The following SRPK2 variants were observed in gnomAD, a reference collection of about 807,000 sequenced individuals.
The protein encoded by SRPK2 is SFRS protein kinase 2.
In SRPK2, 21 loss-of-function variants were observed where a neutral mutation model predicts 90.8. The ratio of observed to expected loss-of-function variants is 0.23; its 90% CI spans 0.16 to 0.33. The LOEUF (loss-of-function observed/expected upper bound fraction) is 0.33, where lower values mean the gene tolerates loss of function less well. Among genes scored for constraint, SRPK2 ranks in the 10% least tolerant of loss-of-function variants. SRPK2 has a pLI of 1.00. For synonymous variants in SRPK2, 288 were observed against 311.1 expected, an observed-to-expected ratio of 0.93 and a Z score of 0.78; for missense variants, 620 against 869.0, an observed-to-expected ratio of 0.71 and a Z score of 3.60.
intron 3 of SRPK2, among the ~76,000 whole-genome samples, chr7:105,199,903 A>C (rs1308283926): frequency 1.1e-4 from 16 of 151,806 alleles, no homozygotes; most frequent in African/African-American, 3.9e-4. Flanking sequence ...ATTTAAAAAA[A>C]AAAAAAAAAA....
rs138429910 is a variant in SRPK2, at chr7:105,365,302, T to C, written c.71+23346A>G. Among the ~76,000 whole-genome samples the C allele has an allele frequency of 1.7e-3, 260 of 151,688 alleles. 1 individual carries two copies. Among genetic ancestry groups the C allele is most frequent in the African/African-American group, 6.0e-3 (250 of 41,356 alleles). ...GAGCTGGAGACCAGCCCGGCCAATA[T>C]TGTGAAACCCGATCTCTACTAAAAA... On this transcript the variant is annotated intron_variant, in intron 2 of 15. Coordinates refer to ENST00000393651, the MANE Select transcript of SRPK2 (RefSeq NM_182692.3).
chr7:105,225,955 G>C (rs540839135), intron 2 of SRPK2, among the ~76,000 whole-genome samples: 34 of 152,256 alleles, frequency 2.2e-4, no homozygotes, highest in Non-Finnish European at 4.7e-4. Flanking sequence ...CCACATGCGG[G>C]GGTTAGCAGA....
In SRPK2 at chr7:105,366,625, T is replaced by C. The variant is rs1819097043; in HGVS notation, c.71+22023A>G. ...ACCTCGTGATCCGCCCGCCTCAGCCTCCCAAAGTGCTGGGATTACAGGCGT... is the reference window on the plus strand; with the variant it reads ...ACCTCGTGATCCGCCCGCCTCAGCCCCCCAAAGTGCTGGGATTACAGGCGT... On this transcript the variant is annotated intron_variant, in intron 2 of 15. Transcript: ENST00000393651. Among the ~76,000 whole-genome samples, 8 of 152,282 alleles carry C rather than the reference T, an allele frequency of 5.3e-5. No individual in the cohort carries two copies. The South Asian group carries it at 1.5e-3, about 28-fold the overall frequency.
intron 2 of SRPK2, among the ~76,000 whole-genome samples, chr7:105,350,434 G>T (rs547505360): frequency 1.3e-5 from 2 of 150,784 alleles, no homozygotes; most frequent in Non-Finnish European, 2.9e-5. Context: ...TGGCCGAACA[G>T]TGCCTATCTT....
At chr7:105,147,637 G>A (rs1191883194) in intron 7 of SRPK2, among the ~76,000 whole-genome samples, 1 of 152,130 alleles carries the variant, frequency 6.6e-6, no homozygotes, top group Non-Finnish European at 1.5e-5. Flanking sequence ...CTATTTAAAT[G>A]ACAACATTTT....
intron 2 of SRPK2, among the ~76,000 whole-genome samples, chr7:105,240,632 A>G (rs961886785): frequency 6.6e-6 from 1 of 152,180 alleles, no homozygotes; most frequent in Non-Finnish European, 1.5e-5. Flanking sequence ...AAGCCTAACC[A>G]TAGATTGTAG....
At chr7:105,253,250 C>A (rs1802737480) in intron 2 of SRPK2, among the ~76,000 whole-genome samples, 1 of 152,164 alleles carries the variant, frequency 6.6e-6, no homozygotes, top group Non-Finnish European at 1.5e-5. Flanking sequence ...CCATAATATT[C>A]CCACCAATTT....
intron 2 of SRPK2, among the ~76,000 whole-genome samples, chr7:105,249,365 T>A (rs1231445883): frequency 6.6e-6 from 1 of 152,138 alleles, no homozygotes; most frequent in Non-Finnish European, 1.5e-5. Context: ...TTTAAAGAAC[T>A]AAATAGTGAA....
chr7:105,392,757 C>G (rs931316021), upstream of SRPK2, among the ~76,000 whole-genome samples: 3 of 151,868 alleles, frequency 2.0e-5, no homozygotes, highest in African/African-American at 7.3e-5. Flanking sequence ...CTCTGCCTCC[C>G]TAAGTGCTGG....
chr7:105,193,321 T>C (rs1794533580), intron 3 of SRPK2, among the ~76,000 whole-genome samples: 2 of 152,212 alleles, frequency 1.3e-5, no homozygotes, highest in African/African-American at 4.8e-5. Flanking sequence ...TTTGTTTGCT[T>C]TGTCAAAGAT....
chr7:105,174,234 TAAG>T (rs1370672084), intron 3 of SRPK2, among the ~76,000 whole-genome samples: 4 of 152,168 alleles, frequency 2.6e-5, no homozygotes, highest in South Asian at 2.1e-4. Context: ...CCTATGCTAA[TAAG>T]AAGACTCCAA....
chr7:105,391,493 C>T (rs1303114146), upstream of SRPK2, among the ~76,000 whole-genome samples: 1 of 152,164 alleles, frequency 6.6e-6, no homozygotes, highest in Admixed American at 6.6e-5. Context: ...GCATGAGCCA[C>T]TGCGCCCGGC....
chr7:105,152,793 T>C (rs1289345737), intron 7 of SRPK2, among the ~76,000 whole-genome samples: 3 of 152,116 alleles, frequency 2.0e-5, no homozygotes, highest in Non-Finnish European at 4.4e-5. Flanking sequence ...CCCAGCACTT[T>C]GGGAGGCCGA....
chr7:105,257,646 TG>T (rs2129643568), intron 2 of SRPK2, among the ~76,000 whole-genome samples: 1 of 152,308 alleles, frequency 6.6e-6, no homozygotes, highest in East Asian at 1.9e-4. Context: ...GGCTCAGGCT[TG>T]GAGCCTTTAT....
chr7:105,360,715 G>C (rs1419491663), intron 2 of SRPK2, among the ~76,000 whole-genome samples: 1 of 152,140 alleles, frequency 6.6e-6, no homozygotes, highest in Non-Finnish European at 1.5e-5. Flanking sequence ...CTGACTTGTA[G>C]GGTTTCTGCC....
chr7:105,386,550 C>A (rs964436382), intron 2 of SRPK2, among the ~76,000 whole-genome samples: 1 of 151,392 alleles, frequency 6.6e-6, no homozygotes, highest in Non-Finnish European at 1.5e-5. Flanking sequence ...CCCGTCTCTA[C>A]TAAAAAATAC....
At chr7:105,248,758 G>A (rs960889063) in intron 2 of SRPK2, among the ~76,000 whole-genome samples, 12 of 151,974 alleles carry the variant, frequency 7.9e-5, no homozygotes, top group South Asian at 2.1e-4. Flanking sequence ...TAGCTAACAC[G>A]GTGAAACCCC....
At chr7:105,124,639 C>CAAAAAAAAAAAAAAAAAAA (rs1408558143) in intron 15 of SRPK2, among the ~76,000 whole-genome samples, 1 of 8,262 alleles carries the variant, frequency 1.2e-4, no homozygotes, top group Non-Finnish European at 6.7e-4. Flanking sequence ...AAAACTCCAT[C>CAAAAAAAAAAAAAAAAAAA]TAAAAAAAAA....
At chr7:105,389,887 G>A (rs1822103881), upstream of SRPK2, among the ~76,000 whole-genome samples, 1 of 152,174 alleles carries the variant, frequency 6.6e-6, no homozygotes, top group South Asian at 2.1e-4. Context: ...CTGTATCTTT[G>A]ACAAGGTGGC....
Sources: gnomAD v4.1 joint callset for allele counts (sites outside exome capture counted in the v4.1 genomes callset) on GRCh38, gnomAD v4.1.1 for gene constraint, MANE v1.5 for transcripts, NCBI Gene and HGNC (gene_info 2026-07-23, HGNC 2026-07-21) for gene names.